Variants in SLC6A16 observed in about 807,000 individuals in gnomAD.
SLC6A16 encodes orphan sodium- and chloride-dependent neurotransmitter transporter NTT5.
A neutral mutation model predicts 65.4 loss-of-function variants in SLC6A16; 54 were observed. The ratio of observed to expected loss-of-function variants is 0.83; its 90% confidence interval spans 0.66 to 1.04. SLC6A16 has a LOEUF of 1.04. SLC6A16 is among the 50% of genes least tolerant of loss of function. The pLI is 0.00. For missense variants in SLC6A16, 816 were observed against 914.0 expected (o/e 0.89, Z 1.38); for synonymous variants, 330 against 346.5 (o/e 0.95, Z 0.53).
At chr19:49,314,132 A>G (rs1045239648) in intron 1 of SLC6A16, among the ~76,000 whole-genome samples, 1 of 151,680 alleles carries the variant, frequency 6.6e-6, no homozygotes, top group Admixed American at 6.6e-5. Context: ...CATAATCATA[A>G]TCAAGAAAAA....
the SLC6A16 span, chr19:49,337,290 G>A: frequency 6.8e-7 from 1 of 1,475,984 alleles, no homozygotes; most frequent in Non-Finnish European, 9.5e-7. Flanking sequence ...GTGGGAGAGG[G>A]TGGAGAGAGA....
chr19:49,338,257 C>G, the SLC6A16 span: 2 of 1,312,156 alleles, frequency 1.5e-6, no homozygotes, highest in Non-Finnish European at 2.0e-6. The surrounding 1 kb of genome is among the most constrained non-coding windows in gnomAD (Gnocchi z 5.0). Context: ...CCTCGAGAGA[C>G]TCCGCCCCCG....
chr19:49,296,999 T>C (rs1286996069), intron 7 of SLC6A16, among the ~76,000 whole-genome samples: 2 of 151,932 alleles, frequency 1.3e-5, no homozygotes, highest in African/African-American at 4.8e-5. Flanking sequence ...AAAAAATATA[T>C]ATATATTTGC....
chr19:49,329,786 C>T (rs1489871142), upstream of SLC6A16, among the ~76,000 whole-genome samples: 1 of 151,952 alleles, frequency 6.6e-6, no homozygotes, highest in Non-Finnish European at 1.5e-5. Context: ...GCGCCCGCCA[C>T]TACGCCTGGC....
the SLC6A16 span, chr19:49,338,038 C>T: frequency 6.2e-7 from 1 of 1,613,316 alleles, no homozygotes; most frequent in Non-Finnish European, 8.5e-7. The surrounding 1 kb of genome is among the most constrained non-coding windows in gnomAD (Gnocchi z 5.0). Flanking sequence ...AGGTAAGCCC[C>T]CCTCCTCCAG....
chr19:49,326,739 C>T (rs1970801744), upstream of SLC6A16, among the ~76,000 whole-genome samples: 1 of 152,002 alleles, frequency 6.6e-6, no homozygotes, highest in Non-Finnish European at 1.5e-5. Context: ...CTATGACAGG[C>T]CGGGCATGGT....
At chr19:49,338,648 C>A in the SLC6A16 span, 1 of 1,366,270 alleles carries the variant, frequency 7.3e-7, no homozygotes, top group Non-Finnish European at 1.0e-6. This position sits in a 1 kb window ranked among gnomAD's most constrained non-coding sequence, Gnocchi z 5.0. Flanking sequence ...CCCTGATCCC[C>A]AACATCATAT....
intron 1 of SLC6A16, among the ~76,000 whole-genome samples, chr19:49,311,876 T>C (rs537855771): frequency 1.0e-3 from 146 of 146,034 alleles, no homozygotes; most frequent in African/African-American, 3.5e-3. Context: ...AAAAAAGAAA[T>C]GTTTTCTTGT....
the SLC6A16 span, chr19:49,332,269 C>T: frequency 6.6e-6 from 3 of 456,724 alleles, no homozygotes; most frequent in Admixed American, 4.7e-5. Flanking sequence ...TAGAAGGACA[C>T]TTGTCAGCCG....
At chr19:49,301,187 C>T in intron 7 of SLC6A16, among the ~76,000 whole-genome samples, 1 of 152,134 alleles carries the variant, frequency 6.6e-6, no homozygotes, top group African/African-American at 2.4e-5. Flanking sequence ...CCATTTTGCC[C>T]ACATCACCCC....
intron 1 of SLC6A16, among the ~76,000 whole-genome samples, chr19:49,320,742 T>C (rs1366503067): frequency 6.6e-6 from 1 of 152,174 alleles, no homozygotes; most frequent in Non-Finnish European, 1.5e-5. Flanking sequence ...TATGAACAAC[T>C]GTACACCAAT....
At chr19:49,297,276 T>A (rs936119545) in intron 7 of SLC6A16, among the ~76,000 whole-genome samples, 3 of 152,164 alleles carry the variant, frequency 2.0e-5, no homozygotes, top group African/African-American at 7.2e-5. Context: ...CTTGAAAAGA[T>A]ACTTTACAAG....
At chr19:49,326,031 G>A (rs906927291), upstream of SLC6A16, among the ~76,000 whole-genome samples, 7 of 151,652 alleles carry the variant, frequency 4.6e-5, no homozygotes, top group East Asian at 1.9e-4. Context: ...TTAGCCGGGC[G>A]TGGTGGCACA....
At chr19:49,293,503 A>G (rs1302434334) in intron 9 of SLC6A16, 121 bp from the exon 10 acceptor site, 2 of 911,282 alleles carry the variant, frequency 2.2e-6, no homozygotes, top group East Asian at 2.6e-5. Context: ...GGGGGCTTAC[A>G]TGTGTAATCC....
intron 10 of SLC6A16, among the ~76,000 whole-genome samples, chr19:49,291,247 A>G (rs1970073208): frequency 1.3e-5 from 2 of 151,888 alleles, no homozygotes; most frequent in Non-Finnish European, 2.9e-5. Context: ...CCATCACCCT[A>G]TCTCCACCTA....
chr19:49,307,724 C>CAAAAAAAAAAAAAAAAAGAAAAA (rs74182049), intron 7 of SLC6A16, among the ~76,000 whole-genome samples: 1 of 76,702 alleles, frequency 1.3e-5, no homozygotes, highest in African/African-American at 6.3e-5. Flanking sequence ...GAGGAGGAAG[C>CAAAAAAAAAAAAAAAAAGAAAAA]AAAAAAAAAG....
the SLC6A16 span, chr19:49,336,985 C>T: frequency 5.6e-6 from 9 of 1,613,970 alleles, no homozygotes; most frequent in Non-Finnish European, 8.5e-7. Context: ...GCATCGCCCT[C>T]CTGGGTTGTG....
At chr19:49,321,998 G>A (rs1970719298) in intron 1 of SLC6A16, among the ~76,000 whole-genome samples, 1 of 151,544 alleles carries the variant, frequency 6.6e-6, no homozygotes, top group South Asian at 2.1e-4. Flanking sequence ...CATACTTAAT[G>A]ATAAAAGACT....
Position 49,290,081 on chromosome 19 carries a change from T to G in SLC6A16, c.*42A>C, listed in dbSNP as rs1232288302. ...CTGATATTAAGAGTTGTCTATTGGA[T>G]CTGTTCTAAGGGATATGTTATGTGA... is the stretch of plus-strand genomic sequence containing the variant. On this transcript the variant is annotated 3_prime_UTR_variant, in exon 12 of 12. Coordinates refer to ENST00000335875, the MANE Select transcript of SLC6A16 (RefSeq NM_014037.3). 6.3e-7 allele frequency: 1 copy of G among 1,576,870 alleles called. No individual in the cohort carries two copies. The highest frequency in any genetic ancestry group is 2.2e-5 in the East Asian group (1 of 44,548).
Sources: allele counts gnomAD v4.1 joint callset (sites outside exome capture counted in the v4.1 genomes callset), GRCh38; gene constraint gnomAD v4.1.1; non-coding constraint Gnocchi (gnomAD v3.1); transcripts MANE v1.5; gene names NCBI Gene and HGNC (gene_info 2026-07-23, HGNC 2026-07-21).